INPP5D: variants seen among roughly 807,000 people sequenced by gnomAD.
The protein encoded by INPP5D is phosphatidylinositol 3,4,5-trisphosphate 5-phosphatase 1.
In INPP5D, 33 loss-of-function variants were observed where a neutral mutation model predicts 122.9. That is an observed-to-expected ratio of 0.27 (90% CI 0.20 to 0.36). The LOEUF is 0.36. Ranked by LOEUF, INPP5D falls within the 10% of genes least tolerant of loss-of-function variation. The probability of loss-of-function intolerance (pLI) is 1.00; values close to 1 mark genes in which losing one functional copy is unlikely to be tolerated. For missense variants in INPP5D, 1,053 were observed against 1,412.7 expected, an observed-to-expected ratio of 0.75 and a Z score of 4.08; for synonymous variants, 584 against 576.2, an observed-to-expected ratio of 1.01 and a Z score of -0.19.
At chr2:233,088,654 G>A (rs141711225) in intron 2 of INPP5D, among the ~76,000 whole-genome samples, 7 of 152,314 alleles carry the variant, frequency 4.6e-5, no homozygotes, top group South Asian at 4.1e-4. Context: ...TGTCTGACAC[G>A]TGACTCCATG....
chr2:233,123,012 T>C (rs10193128), intron 3 of INPP5D, among the ~76,000 whole-genome samples: 60,651 of 152,084 alleles, frequency 0.4, 12,928 homozygotes, highest in Non-Finnish European at 0.46. Flanking sequence ...GCTACGGTCA[T>C]TAGCATGATT....
Position 233,082,794 on chromosome 2 carries a change from C to T in INPP5D, c.198+3396C>T, listed in dbSNP as rs547806781. On this transcript the variant is annotated intron_variant, in intron 2 of 26. Transcript: ENST00000445964. The surrounding 1 kb of genome is among the most constrained non-coding windows in gnomAD (Gnocchi z 4.7). ...AAACTGTAACTTCATCCAACCCCCT[C>T]GTTCTAAATATGAGTGTTGCTGAGA... 1.3e-5 allele frequency among the ~76,000 whole-genome samples: 2 copies of T among 152,352 alleles called. No individual in the cohort carries two copies. Among genetic ancestry groups the T allele is most frequent in the East Asian group, 3.9e-4 (2 of 5,186 alleles).
At chr2:233,168,019 A>T (rs867524435) in intron 13 of INPP5D, among the ~76,000 whole-genome samples, 1,647 of 119,146 alleles carry the variant, frequency 0.014, 26 homozygotes, top group Middle Eastern at 0.022. Context: ...AAAAAAAAAA[A>T]AAAAAAGAAA....
In INPP5D at chr2:233,185,714, T is replaced by TTAA. The variant is rs1553593863; in HGVS notation, c.2276-129_2276-128insTAA. On this transcript the variant is annotated intron_variant, in intron 20 of 26. Transcript: ENST00000445964. Reference sequence around the variant, plus strand: ...CCTAAATGATGCTGAGGCCCCGAGATAAAAAAAAAAAAAAAAAAAAAAAGG... The same window carrying TTAA: ...CCTAAATGATGCTGAGGCCCCGAGATTAAAAAAAAAAAAAAAAAAAAAAAAAGG... 18 of 626,712 alleles carry TTAA rather than the reference T, an allele frequency of 2.9e-5. No homozygotes were observed. In the African/African-American group the frequency reaches 4.0e-4, roughly 14 times the overall value. The allele number at this position is 626,712 out of a possible 1,614,324, so 38.8% of individuals were successfully genotyped here.
chr2:233,066,986 T>C (rs1691247400), intron 1 of INPP5D, among the ~76,000 whole-genome samples: 1 of 152,086 alleles, frequency 6.6e-6, no homozygotes, highest in Non-Finnish European at 1.5e-5. Flanking sequence ...CCATGTTGGC[T>C]AGGCTGGTCC....
intron 9 of INPP5D, among the ~76,000 whole-genome samples, chr2:233,155,461 A>G (rs1194032639): frequency 6.6e-6 from 1 of 152,014 alleles, no homozygotes; most frequent in African/African-American, 2.4e-5. Flanking sequence ...CACCTCTACT[A>G]AAAATACAAA....
In INPP5D at chr2:233,105,201, G is replaced by C. The variant is rs1692431662; in HGVS notation, c.199-16906G>C. On this transcript the variant is annotated intron_variant, in intron 2 of 26. Transcript: ENST00000445964. The surrounding 1 kb of genome is among the most constrained non-coding windows in gnomAD (Gnocchi z 4.0). ...AACAGAGCCCCCAGAAGTGGGGATG[G>C]GAGCAGGGGGGCGGTCAGTGGGTCC... Among the ~76,000 whole-genome samples, 1 of 152,206 alleles carries C rather than the reference G, an allele frequency of 6.6e-6. No individual in the cohort carries two copies. Among genetic ancestry groups the C allele is most frequent in the African/African-American group, 2.4e-5 (1 of 41,442 alleles).
At chr2:233,191,599 G>T (rs977105558) in intron 22 of INPP5D, among the ~76,000 whole-genome samples, 3 of 152,156 alleles carry the variant, frequency 2.0e-5, no homozygotes, top group African/African-American at 7.2e-5. Flanking sequence ...AGAGGGTGTG[G>T]TTACAATAGC....
chr2:233,084,294 A>C (rs1017316470), intron 2 of INPP5D, among the ~76,000 whole-genome samples: 1 of 152,160 alleles, frequency 6.6e-6, no homozygotes, highest in Non-Finnish European at 1.5e-5. Flanking sequence ...GGCTCAAGTG[A>C]TCCACCCGCC....
intron 11 of INPP5D, among the ~76,000 whole-genome samples, chr2:233,162,511 A>T (rs978132000): frequency 3.2e-5 from 4 of 123,212 alleles, no homozygotes; most frequent in Admixed American, 1.6e-4. Context: ...AAACATATAT[A>T]TTGTGTATTT....
intron 3 of INPP5D, among the ~76,000 whole-genome samples, chr2:233,122,968 G>A (rs192034010): frequency 8.6e-4 from 131 of 152,254 alleles, no homozygotes; most frequent in Admixed American, 7.0e-3. Flanking sequence ...CCCAGAGCCT[G>A]GTACATATTC....
At chr2:233,137,510 C>T (rs1432417632) in intron 5 of INPP5D, among the ~76,000 whole-genome samples, 1 of 148,274 alleles carries the variant, frequency 6.7e-6, no homozygotes, top group African/African-American at 2.5e-5. Context: ...AGGCTGGGTG[C>T]AGTGGCAGGA....
At position 233,078,320 on chromosome 2, in the gene INPP5D, G is replaced by A. The variant is rs80146450; in HGVS notation, c.135-1015G>A. ...AAAGTACCTTCTCCTCCTCACATTA[G>A]AGATGACTGTGCCAAAGGAAGGTAG... On this transcript the variant is annotated intron_variant, in intron 1 of 26. Coordinates refer to ENST00000445964, the MANE Select transcript of INPP5D (RefSeq NM_001017915.3). This position sits in a 1 kb window ranked among gnomAD's most constrained non-coding sequence, Gnocchi z 4.6. Among the ~76,000 whole-genome samples, 3,632 of 152,292 alleles carry A rather than the reference G, an allele frequency of 0.024. 75 individuals carry two copies. Among genetic ancestry groups the A allele is most frequent in the East Asian group, 0.086 (445 of 5,194 alleles).
intron 23 of INPP5D, among the ~76,000 whole-genome samples, chr2:233,194,487 GCTTTTTT>G (rs1695131512): frequency 1.8e-5 from 2 of 110,250 alleles, no homozygotes; most frequent in Admixed American, 1.2e-4. Context: ...CTTCTAAACT[GCTTTTTT>G]TTTTTTTTTT....
chr2:233,157,091 G>A (rs1389342644), intron 9 of INPP5D, among the ~76,000 whole-genome samples: 3 of 152,340 alleles, frequency 2.0e-5, no homozygotes, highest in South Asian at 2.1e-4. Context: ...TCAGTTAAGT[G>A]TGAGGGTCGA....
chr2:233,172,496 A>G (rs1034121600), intron 17 of INPP5D, among the ~76,000 whole-genome samples: 6 of 152,184 alleles, frequency 3.9e-5, no homozygotes, highest in Non-Finnish European at 8.8e-5. Flanking sequence ...GTGAAAATGA[A>G]AGAAAGGGGG....
At chr2:233,145,546 T>A (rs552009388) in intron 6 of INPP5D, among the ~76,000 whole-genome samples, 2 of 152,196 alleles carry the variant, frequency 1.3e-5, no homozygotes, top group African/African-American at 4.8e-5. Flanking sequence ...GACAGGGTGG[T>A]CAGGGAAGAC....
chr2:233,179,512 T>G (rs1694730458), intron 18 of INPP5D, among the ~76,000 whole-genome samples: 1 of 152,076 alleles, frequency 6.6e-6, no homozygotes, highest in Non-Finnish European at 1.5e-5. Flanking sequence ...AGGAGGGAGA[T>G]CAGTCCGGAA....
At chr2:233,116,987 C>T (rs1692819043) in intron 2 of INPP5D, among the ~76,000 whole-genome samples, 1 of 152,228 alleles carries the variant, frequency 6.6e-6, no homozygotes, top group Non-Finnish European at 1.5e-5. Context: ...CTCTAGTTAC[C>T]TACCTGCTAA....
Sources: allele counts gnomAD v4.1 joint callset (sites outside exome capture counted in the v4.1 genomes callset), GRCh38; gene constraint gnomAD v4.1.1; non-coding constraint Gnocchi (gnomAD v3.1); transcripts MANE v1.5; gene names NCBI Gene and HGNC (gene_info 2026-07-23, HGNC 2026-07-21).